The following PARVG variants were observed in gnomAD, a reference collection of about 807,000 sequenced individuals.
PARVG encodes the protein parvin gamma, also known as gamma-parvin.
In PARVG, 36 loss-of-function variants were observed where a neutral mutation model predicts 44.4. The ratio of observed to expected loss-of-function variants is 0.81; its 90% CI spans 0.62 to 1.07. The LOEUF is 1.07. PARVG is among the 50% of genes least tolerant of loss of function. The probability of loss-of-function intolerance (pLI) is 0.00; values close to 1 mark genes in which losing one functional copy is unlikely to be tolerated. For missense variants in PARVG, 407 were observed against 407.4 expected (o/e 1.00, Z 0.01); for synonymous variants, 170 against 174.1 (o/e 0.98, Z 0.19).
intron 12 of PARVG, 135 bp from the exon 13 acceptor site, chr22:44,205,622 G>A (rs1346172087): frequency 1.0e-6 from 1 of 990,262 alleles, no homozygotes. Flanking sequence ...TCGTGGTCAG[G>A]GATGCCCACC....
In PARVG at chr22:44,187,345, C is replaced by T. The variant is rs954332650; in HGVS notation, c.145-431C>T. The T allele has an allele frequency of 5.2e-5, 11 of 210,448 alleles. No homozygotes were observed. In the Admixed American group the frequency reaches 5.7e-4, roughly 11 times the overall value. 13.0% of individuals were successfully genotyped at this position (210,448 alleles called of 1,614,324 possible). A position where few individuals can be genotyped will look rare whatever the true frequency, so the allele number is the denominator to read the frequency against. On this transcript the variant is annotated intron_variant, in intron 4 of 13. Coordinates refer to ENST00000444313, the MANE Select transcript of PARVG (RefSeq NM_022141.7). ...TCTTCACGTCCAATGTCATGTCCCT[C>T]ATTTCCTCCTAGGACCTCAGAAGGG...
At chr22:44,195,526 G>A (rs9625991) in intron 9 of PARVG, among the ~76,000 whole-genome samples, 2,134 of 152,326 alleles carry the variant, frequency 0.014, 54 homozygotes, top group African/African-American at 0.049. Flanking sequence ...CTGAGGACAT[G>A]GGCACCCGAG....
intron 12 of PARVG, 129 bp downstream of exon 12, chr22:44,198,851 T>C: frequency 1.5e-6 from 1 of 686,338 alleles, no homozygotes; most frequent in South Asian, 1.8e-5. Context: ...TTTGTCTATA[T>C]GTCTGCCTAT....
In PARVG at chr22:44,206,408, C is replaced by T; in HGVS notation, c.978C>T (p.Pro326=). The T allele has an allele frequency of 6.2e-7, 1 of 1,613,984 alleles. No homozygotes were observed. Among genetic ancestry groups the T allele is most frequent in the South Asian group, 1.1e-5 (1 of 91,086 alleles). The change falls in exon 14 of 14, where the codon CCC becomes CCT. Residue 326 remains proline (P), a synonymous_variant. Coordinates refer to ENST00000444313, the MANE Select transcript of PARVG (RefSeq NM_022141.7). ...AGAAGGCACACAGGGACAGGACGCCCCATGGAGCCCCGAATTGACCCTCAC... is the reference window on the plus strand; with the variant it reads ...AGAAGGCACACAGGGACAGGACGCCTCATGGAGCCCCGAATTGACCCTCAC... ...HTQKAHRDRT[P]HGAPN
chr22:44,175,359 C>G (rs949795929), intron 1 of PARVG, among the ~76,000 whole-genome samples: 2 of 152,160 alleles, frequency 1.3e-5, no homozygotes, highest in Admixed American at 1.3e-4. Context: ...CTGAGAATCT[C>G]GAGAAGGAAG....
At chr22:44,181,375 G>A in intron 1 of PARVG, 190 bp downstream of exon 1, 1 of 985,558 alleles carries the variant, frequency 1.0e-6, no homozygotes, top group Middle Eastern at 5.2e-4. Flanking sequence ...GTCCAGGTAG[G>A]AGTCTCCTGC....
chr22:44,206,293 G>T (rs774474956), intron 13 of PARVG, 24 bp from the exon 14 acceptor site: 3 of 1,577,944 alleles, frequency 1.9e-6, no homozygotes, highest in Admixed American at 3.3e-5. Context: ...CTGACTGGCT[G>T]CCCTGCCCTC....
chr22:44,173,746 GC>G (rs1490847519), intron 1 of PARVG, among the ~76,000 whole-genome samples: 1 of 152,200 alleles, frequency 6.6e-6, no homozygotes, highest in East Asian at 1.9e-4. Context: ...GGGAGGTTCT[GC>G]CCCTTGGGGG....
chr22:44,173,540 T>TAA (rs11423068), intron 1 of PARVG, among the ~76,000 whole-genome samples: 2 of 151,138 alleles, frequency 1.3e-5, no homozygotes, highest in African/African-American at 4.9e-5. Flanking sequence ...ACCACGCTAT[T>TAA]AAAAAAAAAT....
At chr22:44,198,592 G>T (rs374668130) in intron 11 of PARVG, 29 bp from the exon 12 acceptor site, 247 of 1,546,092 alleles carry the variant, frequency 1.6e-4, no homozygotes, top group Admixed American at 6.4e-4. Flanking sequence ...CTTCTTCCAT[G>T]TGATTGTCTC....
At chr22:44,181,716 T>C (rs1444281279) in intron 1 of PARVG, 26 bp from the exon 2 acceptor site, 13 of 985,178 alleles carry the variant, frequency 1.3e-5, no homozygotes, top group Non-Finnish European at 1.6e-5. Context: ...TTTCACGGCA[T>C]CCACCCCCCT....
In PARVG at chr22:44,193,803, C is replaced by G; in HGVS notation, c.563C>G (p.Thr188Arg). The change falls in exon 9 of 14, where the codon ACA becomes AGA. Residue 188 changes from threonine to arginine, a missense_variant and splice_region_variant. Transcript: ENST00000444313. ...KLVEQLTEYSTDKDEPPKDVF... is the reference protein window; with the variant it reads ...KLVEQLTEYSRDKDEPPKDVF... Reference sequence around the variant, plus strand: ...TGCTTTTTCCACCCACTGCACAGCACAGACAAGGACGAGCCTCCAAGTGAG... The same window carrying G: ...TGCTTTTTCCACCCACTGCACAGCAGAGACAAGGACGAGCCTCCAAGTGAG... The G allele has an allele frequency of 6.2e-7, 1 of 1,614,074 alleles. No individual in the cohort carries two copies. Among genetic ancestry groups the G allele is most frequent in the East Asian group, 2.2e-5 (1 of 44,888 alleles).
At chr22:44,201,312 G>A (rs1247899452) in intron 12 of PARVG, among the ~76,000 whole-genome samples, 2 of 152,160 alleles carry the variant, frequency 1.3e-5, no homozygotes, top group Non-Finnish European at 2.9e-5. Flanking sequence ...GCGGGGCAGG[G>A]CTGCATCTCC....
chr22:44,196,744 T>G (rs1162192698), intron 11 of PARVG, among the ~76,000 whole-genome samples: 1 of 152,238 alleles, frequency 6.6e-6, no homozygotes, highest in Non-Finnish European at 1.5e-5. Flanking sequence ...CTTCCCTGCG[T>G]GGTTGTGTTC....
At chr22:44,200,717 G>T (rs945634715) in intron 12 of PARVG, among the ~76,000 whole-genome samples, 1 of 152,176 alleles carries the variant, frequency 6.6e-6, no homozygotes, top group Non-Finnish European at 1.5e-5. Flanking sequence ...CAGCCTCTGG[G>T]GCTGTTTCTG....
chr22:44,181,743 G>A lies in PARVG; in HGVS notation c.-187G>A. Reference sequence around the variant, plus strand: ...CACCCCCCTCGGGCCCTGCCGCAGAGAGGAGGAAGCTCCTGCCGGCTGAGC... The same window carrying A: ...CACCCCCCTCGGGCCCTGCCGCAGAAAGGAGGAAGCTCCTGCCGGCTGAGC... On this transcript the variant is annotated splice_region_variant and 5_prime_UTR_variant, in exon 2 of 14. Coordinates refer to ENST00000444313, the MANE Select transcript of PARVG (RefSeq NM_022141.7). The A allele has an allele frequency of 1.0e-6, 1 of 985,442 alleles. No homozygotes were observed. Among genetic ancestry groups the A allele is most frequent in the Non-Finnish European group, 1.2e-6 (1 of 829,944 alleles). 61.0% of individuals were successfully genotyped at this position (985,442 alleles called of 1,614,324 possible). A position where few individuals can be genotyped will look rare whatever the true frequency, so the allele number is the denominator to read the frequency against.
At chr22:44,187,359 A>C in intron 4 of PARVG, 1 of 222,746 alleles carries the variant, frequency 4.5e-6, no homozygotes, top group Non-Finnish European at 9.1e-6. Flanking sequence ...TCCTCCTAGG[A>C]CCTCAGAAGG....
At position 44,182,618 on chromosome 22, in the gene PARVG, C is replaced by G. The variant is rs111353702; in HGVS notation, c.-12-700C>G. 0.014 allele frequency among the ~76,000 whole-genome samples: 2,136 copies of G among 152,292 alleles called. 38 individuals are homozygous for G. Among genetic ancestry groups the G allele is most frequent in the African/African-American group, 0.048 (1,994 of 41,548 alleles). On this transcript the variant is annotated intron_variant, in intron 2 of 13. Coordinates refer to ENST00000444313, the MANE Select transcript of PARVG (RefSeq NM_022141.7). The surrounding 1 kb of genome is among the most constrained non-coding windows in gnomAD (Gnocchi z 4.6). Reference sequence around the variant, plus strand: ...CAATGTCTGATTGAGTTTGAAAACACTGAGAAGACCCAGGGGCTGAAAAGG... The same window carrying G: ...CAATGTCTGATTGAGTTTGAAAACAGTGAGAAGACCCAGGGGCTGAAAAGG...
chr22:44,173,652 C>A (rs8142506), intron 1 of PARVG, among the ~76,000 whole-genome samples: 1 of 151,986 alleles, frequency 6.6e-6, no homozygotes, highest in Admixed American at 6.5e-5. Context: ...CTGCGGGGAG[C>A]GAAGTAATCC....
Sources: gnomAD v4.1 joint callset for allele counts (sites outside exome capture counted in the v4.1 genomes callset) on GRCh38, gnomAD v4.1.1 for gene constraint, Gnocchi (gnomAD v3.1) non-coding constraint, MANE v1.5 for transcripts, NCBI Gene and HGNC (gene_info 2026-07-23, HGNC 2026-07-21) for gene names.